Variants in TGFBR3 observed in about 807,000 individuals in gnomAD.
TGFBR3 encodes transforming growth factor beta receptor type 3.
TGFBR3 carries 46 observed loss-of-function variants against 87.9 expected under a neutral mutation model. The ratio of observed to expected loss-of-function variants is 0.52; its 90% CI spans 0.41 to 0.67. The LOEUF (loss-of-function observed/expected upper bound fraction) is 0.67, where lower values mean the gene tolerates loss of function less well. Among genes scored for constraint, TGFBR3 ranks in the 30% least tolerant of loss-of-function variants. TGFBR3 has a pLI of 0.00. For synonymous variants in TGFBR3, 381 were observed against 391.6 expected, an observed-to-expected ratio of 0.97 and a Z score of 0.32; for missense variants, 866 against 1,041.9, an observed-to-expected ratio of 0.83 and a Z score of 2.32.
intron 2 of TGFBR3, among the ~76,000 whole-genome samples, chr1:91,834,671 G>GTTTGT (rs1295874227): frequency 2.6e-5 from 4 of 152,150 alleles, no homozygotes; most frequent in Non-Finnish European, 5.9e-5. Context: ...GTGAGATGGA[G>GTTTGT]TTTGTTTTGG....
intron 4 of TGFBR3, among the ~76,000 whole-genome samples, chr1:91,740,509 C>T (rs1491002696): frequency 2.6e-5 from 4 of 152,024 alleles, no homozygotes; most frequent in South Asian, 2.1e-4. Context: ...GGATTACAGG[C>T]GTCCACCATC....
intron 16 of TGFBR3, among the ~76,000 whole-genome samples, chr1:91,692,499 GT>G (rs1275924775): frequency 1.3e-5 from 2 of 152,064 alleles, no homozygotes; most frequent in Non-Finnish European, 2.9e-5. Context: ...AAAAGCATTT[GT>G]TCCTCCCTTC....
intron 12 of TGFBR3, among the ~76,000 whole-genome samples, chr1:91,713,423 G>T (rs17886299): frequency 0.013 from 2,029 of 152,282 alleles, 57 homozygotes; most frequent in African/African-American, 0.047. Flanking sequence ...TCCATTTGGT[G>T]ACACGTGGAT....
rs373480626 is a variant in TGFBR3, at chr1:91,695,751, G to T, written c.2358C>A (p.Thr786=). ...PPIFHGLDTL[T]VMGIAFAAFV... is the part of the protein sequence containing the mutation. The stretch of plus-strand genomic sequence containing the variant: ...AGGCTGCAAACGCAATGCCCATCAC[G>T]GTTAGGGTGTCCAGACCATGGAAAA... Residue 786 remains threonine, a synonymous_variant, in exon 16 of 17, where the codon ACC becomes ACA. Coordinates refer to ENST00000212355, the MANE Select transcript of TGFBR3 (RefSeq NM_003243.5). 1.9e-6 allele frequency: 3 copies of T among 1,614,128 alleles called. No homozygotes were observed. Among genetic ancestry groups the T allele is most frequent in the South Asian group, 2.2e-5 (2 of 91,090 alleles).
At chr1:91,867,700 C>T (rs1678437722) in intron 1 of TGFBR3, among the ~76,000 whole-genome samples, 1 of 152,124 alleles carries the variant, frequency 6.6e-6, no homozygotes, top group South Asian at 2.1e-4. Flanking sequence ...GGTTTCTGTA[C>T]CTTTTCATTT....
chr1:91,898,968 G>A (rs145022312), intron 2 of TGFBR3, among the ~76,000 whole-genome samples: 28 of 152,258 alleles, frequency 1.8e-4, no homozygotes, highest in South Asian at 8.3e-4. Context: ...AAAGTTGAAC[G>A]TGGTTTCATG....
intron 1 of TGFBR3, among the ~76,000 whole-genome samples, chr1:91,884,998 G>T (rs1378316019): frequency 6.6e-6 from 1 of 152,236 alleles, no homozygotes; most frequent in Non-Finnish European, 1.5e-5. Context: ...GGCAAGCAGC[G>T]CTAACCTCCG....
intron 2 of TGFBR3, among the ~76,000 whole-genome samples, chr1:91,824,739 A>G (rs575610877): frequency 1.3e-5 from 2 of 152,316 alleles, no homozygotes; most frequent in South Asian, 2.1e-4. Context: ...AGGCAGGTGG[A>G]TCACGAGGTC....
intron 1 of TGFBR3, among the ~76,000 whole-genome samples, chr1:91,876,304 G>C (rs1293611164): frequency 6.6e-6 from 1 of 152,128 alleles, no homozygotes; most frequent in African/African-American, 2.4e-5. Flanking sequence ...GACCTGCCGG[G>C]GCTGATCTTC....
rs1160097803 is a variant in TGFBR3 at position 91,720,107 on chromosome 1, C to T, written c.1199G>A (p.Gly400Asp). 3.1e-6 allele frequency: 5 copies of T among 1,614,154 alleles called. No individual in the cohort carries two copies. In the South Asian group the frequency reaches 5.5e-5, roughly 18 times the overall value. Residue 400 changes from glycine to aspartate, a missense_variant, in exon 9 of 17, where the codon GGC becomes GAC. Physicochemically the swap from Gly to Asp is moderately conservative, Grantham distance 94 (BLOSUM62 -1). Coordinates refer to ENST00000212355, the MANE Select transcript of TGFBR3 (RefSeq NM_003243.5). ...AATATCTGGGAAAGGAAACGGAAGGCCTCCATTTTGGCCTTCCCCTCCCCG... is the reference window on the plus strand; with the variant it reads ...AATATCTGGGAAAGGAAACGGAAGGTCTCCATTTTGGCCTTCCCCTCCCCG... The part of the protein sequence containing the change: ...PIRGGEGQNG[G>D]LPFPFPDISR...
intron 3 of TGFBR3, among the ~76,000 whole-genome samples, chr1:91,781,893 T>C (rs61781085): frequency 0.06 from 9,162 of 152,242 alleles, 296 homozygotes; most frequent in African/African-American, 0.076. Flanking sequence ...TTTGGGAAAT[T>C]TGAAGAGCTT....
upstream of TGFBR3, among the ~76,000 whole-genome samples, chr1:91,887,725 CA>C (rs567200365): frequency 9.2e-5 from 14 of 152,250 alleles, no homozygotes; most frequent in South Asian, 2.5e-3. Context: ...GATTCATTCA[CA>C]AAGGTCAAAT....
At chr1:91,887,652 A>G (rs996621909), upstream of TGFBR3, among the ~76,000 whole-genome samples, 1 of 152,128 alleles carries the variant, frequency 6.6e-6, no homozygotes, top group Non-Finnish European at 1.5e-5. Flanking sequence ...AGAACAGGAA[A>G]TATTTCTCGT....
Position 91,720,160 on chromosome 1 carries a change from G to A in TGFBR3, c.1146C>T (p.Ala382=), listed in dbSNP as rs1361981359. Residue 382 remains alanine, a synonymous_variant, in exon 9 of 17, where the codon GCC becomes GCT. Transcript: ENST00000212355. The part of the protein sequence containing the change: ...PELRILLDPG[A]LPALQNPPIR... ...TGGGCGGGTTCTGCAGGGCAGGCAG[G>A]GCACCAGGGTCCAGCAGGATCCGTA... The A allele has an allele frequency of 1.9e-6, 3 of 1,613,772 alleles. No homozygotes were observed. The highest frequency in any genetic ancestry group is 2.2e-5 in the East Asian group (1 of 44,822).
intron 3 of TGFBR3, 40 bp from the exon 4 acceptor site, chr1:91,758,790 G>T: frequency 6.2e-7 from 1 of 1,612,726 alleles, no homozygotes; most frequent in East Asian, 2.2e-5. Flanking sequence ...CTTAGCCCTG[G>T]CTTTCCATGA....
At chr1:91,726,796 A>G (rs1331391784) in intron 7 of TGFBR3, among the ~76,000 whole-genome samples, 14 of 132,110 alleles carry the variant, frequency 1.1e-4, no homozygotes, top group Admixed American at 7.3e-4. Context: ...TGGCCAAAAA[A>G]AAAAAAAAAA....
intron 2 of TGFBR3, among the ~76,000 whole-genome samples, chr1:91,805,711 A>G (rs1571529225): frequency 1.3e-5 from 2 of 152,190 alleles, no homozygotes; most frequent in Non-Finnish European, 2.9e-5. Flanking sequence ...CTTGTGTGAG[A>G]AGCTGGGGGT....
intron 1 of TGFBR3, among the ~76,000 whole-genome samples, chr1:91,905,557 C>A (rs1679828020): frequency 6.6e-6 from 1 of 152,136 alleles, no homozygotes; most frequent in Non-Finnish European, 1.5e-5. Context: ...CTCAGCCTCC[C>A]AAGTGGCTGG....
intron 1 of TGFBR3, among the ~76,000 whole-genome samples, chr1:91,877,462 G>A (rs1196150512): frequency 6.6e-6 from 1 of 152,006 alleles, no homozygotes; most frequent in Non-Finnish European, 1.5e-5. Flanking sequence ...GAGAAGCTGG[G>A]ACTACAGGCA....
Sources: allele counts gnomAD v4.1 joint callset (sites outside exome capture counted in the v4.1 genomes callset), GRCh38; gene constraint gnomAD v4.1.1; transcripts MANE v1.5; gene names NCBI Gene and HGNC (gene_info 2026-07-23, HGNC 2026-07-21).